Variants in C5orf47 observed in about 807,000 individuals in gnomAD.
C5orf47 encodes uncharacterized protein C5orf47.
C5orf47 carries 20 observed loss-of-function variants against 20.6 expected under a neutral mutation model. The observed-to-expected ratio is 0.97, with a 90% CI of 0.68 to 1.41. The LOEUF (loss-of-function observed/expected upper bound fraction) is 1.41. Ranked by LOEUF, C5orf47 falls within the 40% of genes most tolerant of loss-of-function variation. The pLI is 0.00. For synonymous variants in C5orf47, 106 were observed against 97.3 expected, an observed-to-expected ratio of 1.09 and a Z score of -0.53; for missense variants, 262 against 238.4, an observed-to-expected ratio of 1.10 and a Z score of -0.65.
chr5:173,989,695 T>A (rs1758949639), intron 1 of C5orf47, 107 bp downstream of exon 1: 2 of 1,040,962 alleles, frequency 1.9e-6, no homozygotes, highest in Non-Finnish European at 2.5e-6. Flanking sequence ...TGGGGGCAGC[T>A]TTCCTGTCAG....
downstream of C5orf47, among the ~76,000 whole-genome samples, chr5:174,008,263 T>C (rs1000456000): frequency 1.3e-5 from 2 of 152,190 alleles, no homozygotes; most frequent in Non-Finnish European, 2.9e-5. Context: ...ATTGTTCATC[T>C]AGGAATATTG....
At position 173,994,675 on chromosome 5, in the gene C5orf47, G is replaced by A. The variant is rs141384579; in HGVS notation, c.326-3478G>A. ...CTGGATGGATAATGGAGCCACTAAC[G>A]TTAGTGACCACGCTGCTGTGCTTGC... On this transcript the variant is annotated intron_variant, in intron 1 of 4. Coordinates refer to ENST00000340147, the MANE Select transcript of C5orf47 (RefSeq NM_001144954.2). Among the ~76,000 whole-genome samples, 826 of 152,304 alleles carry A rather than the reference G, an allele frequency of 5.4e-3. 11 individuals are homozygous for A. The highest frequency in any genetic ancestry group is 6.0e-3 in the Non-Finnish European group (405 of 68,022).
intron 3 of C5orf47, among the ~76,000 whole-genome samples, chr5:174,000,837 T>G (rs980526455): frequency 3.9e-5 from 6 of 152,112 alleles, no homozygotes; most frequent in Non-Finnish European, 7.4e-5. Flanking sequence ...AAAGGATGTT[T>G]GAATAGGCAG....
At chr5:174,000,296 A>G (rs1442262658) in intron 3 of C5orf47, among the ~76,000 whole-genome samples, 1 of 152,134 alleles carries the variant, frequency 6.6e-6, no homozygotes, top group Non-Finnish European at 1.5e-5. Flanking sequence ...AAAACAACTC[A>G]TGAATTAAAC....
chr5:173,993,109 G>A (rs1452496564), intron 1 of C5orf47, among the ~76,000 whole-genome samples: 2 of 151,952 alleles, frequency 1.3e-5, no homozygotes, highest in East Asian at 1.9e-4. Context: ...TGTTGGTCAC[G>A]TCAGCTCTTT....
downstream of C5orf47, among the ~76,000 whole-genome samples, chr5:174,007,490 A>G (rs769916134): frequency 2.0e-5 from 3 of 151,798 alleles, no homozygotes; most frequent in Non-Finnish European, 2.9e-5. Flanking sequence ...AAGGTCACAC[A>G]GTTGTATTCA....
At position 173,993,429 on chromosome 5, in the gene C5orf47, TCAG is replaced by T. The variant is rs202068010; in HGVS notation, c.325+3842_325+3844del. ...AGGCCAAGGTGGGCAGATCACGAGA[TCAG>T]GAGTTTGAGACCAGCCTGGCCAACA... On this transcript the variant is annotated intron_variant, in intron 1 of 4. Transcript: ENST00000340147. 6.8e-3 allele frequency among the ~76,000 whole-genome samples: 1,028 copies of T among 152,224 alleles called. 4 individuals are homozygous for T. The highest frequency in any genetic ancestry group is 0.01 in the Non-Finnish European group (709 of 68,022).
chr5:174,009,515 A>G (rs896467612), downstream of C5orf47, among the ~76,000 whole-genome samples: 1 of 148,380 alleles, frequency 6.7e-6, no homozygotes, highest in African/African-American at 2.4e-5. Context: ...TATCCTACAG[A>G]TTTTGATATA....
At chr5:173,998,390 A>T (rs1401256299) in intron 2 of C5orf47, among the ~76,000 whole-genome samples, 152 bp downstream of exon 2, 3 of 152,198 alleles carry the variant, frequency 2.0e-5, no homozygotes, top group Admixed American at 1.3e-4. Flanking sequence ...ATTCAGAAGA[A>T]ATGGAACTGG....
chr5:173,989,604 A>AGGGCGGGACCGGGCGCGGCG lies in C5orf47; in HGVS notation c.325+26_325+45dup, dbSNP rs775165106. On this transcript the variant is annotated intron_variant, in intron 1 of 4. Coordinates refer to ENST00000340147, the MANE Select transcript of C5orf47 (RefSeq NM_001144954.2). Reference sequence around the variant, plus strand: ...GCGCGTGCAGGTGGTGCAGCGGGGCAGGGCGGGACCGGGCGCGGCGGGGCG... The same window carrying AGGGCGGGACCGGGCGCGGCG: ...GCGCGTGCAGGTGGTGCAGCGGGGCAGGGCGGGACCGGGCGCGGCGGGGCGGGACCGGGCGCGGCGGGGCG... 3.6e-5 allele frequency: 44 copies of AGGGCGGGACCGGGCGCGGCG among 1,217,274 alleles called. No homozygotes were observed. The highest frequency in any genetic ancestry group is 6.6e-5 in the African/African-American group (4 of 60,516). The allele number at this position is 1,217,274 out of a possible 1,614,324, so 75.4% of individuals were successfully genotyped here.
intron 1 of C5orf47, among the ~76,000 whole-genome samples, chr5:173,996,869 A>G (rs1399277253): frequency 6.6e-6 from 1 of 152,190 alleles, no homozygotes; most frequent in Non-Finnish European, 1.5e-5. Flanking sequence ...ACTGGTACCA[A>G]ACTTAGATTT....
intron 1 of C5orf47, among the ~76,000 whole-genome samples, chr5:173,994,186 A>G (rs1280830306): frequency 1.3e-5 from 2 of 152,160 alleles, no homozygotes; most frequent in Non-Finnish European, 2.9e-5. Context: ...CGTCGTGGAG[A>G]ATGCAGACCT....
chr5:174,007,461 TTTTCCA>T (rs1333455950), downstream of C5orf47, among the ~76,000 whole-genome samples: 1 of 152,218 alleles, frequency 6.6e-6, no homozygotes, highest in Admixed American at 6.5e-5. Flanking sequence ...AGATGCATTC[TTTTCCA>T]TTTGAATCAG....
Position 173,989,185 on chromosome 5 carries a change from C to T in C5orf47, c.-79C>T. ...GTCTGGCCCTAACCGCTCCCGCATC[C>T]CTCGCCTGCACAGTGGGCAGTCTGG... On this transcript the variant is annotated 5_prime_UTR_variant, in exon 1 of 5. Coordinates refer to ENST00000340147, the MANE Select transcript of C5orf47 (RefSeq NM_001144954.2). The T allele has an allele frequency of 7.8e-7, 1 of 1,277,528 alleles. No individual in the cohort carries two copies. 79.1% of individuals were successfully genotyped at this position (1,277,528 alleles called of 1,614,324 possible).
intron 1 of C5orf47, among the ~76,000 whole-genome samples, chr5:173,990,286 TA>T (rs1164756605): frequency 6.9e-6 from 1 of 145,158 alleles, no homozygotes; most frequent in African/African-American, 2.6e-5. Context: ...CTACTTTTTT[TA>T]TCTTTTGTAG....
chr5:173,996,988 A>C (rs906927407), intron 1 of C5orf47, among the ~76,000 whole-genome samples: 1 of 152,206 alleles, frequency 6.6e-6, no homozygotes, highest in Admixed American at 6.5e-5. Context: ...GACCTGCTCC[A>C]AATCAGTGGC....
At position 174,004,564 on chromosome 5, in the gene C5orf47, G is replaced by A. The variant is rs1477530467; in HGVS notation, c.*310G>A. On this transcript the variant is annotated 3_prime_UTR_variant, in exon 5 of 5. Coordinates refer to ENST00000340147, the MANE Select transcript of C5orf47 (RefSeq NM_001144954.2). ...CATAAAATTAAATTAGCATATCAAT[G>A]CAATTGCATGAATTTTATAATTACC... 1.3e-5 allele frequency: 2 copies of A among 152,158 alleles called. No individual in the cohort carries two copies. The highest frequency in any genetic ancestry group is 3.8e-4 in the East Asian group (2 of 5,316). The allele number at this position is 152,158 out of a possible 1,614,324, so 9.4% of individuals were successfully genotyped here. A position where few individuals can be genotyped will look rare whatever the true frequency, so the allele number is the denominator to read the frequency against.
intron 1 of C5orf47, among the ~76,000 whole-genome samples, chr5:173,990,074 G>T (rs577015153): frequency 8.6e-5 from 13 of 151,690 alleles, no homozygotes; most frequent in Non-Finnish European, 1.8e-4. Context: ...TTGTAAATGG[G>T]GTTTCTTTTT....
At chr5:173,997,125 ACTC>A (rs1370767976) in intron 1 of C5orf47, among the ~76,000 whole-genome samples, 1 of 152,128 alleles carries the variant, frequency 6.6e-6, no homozygotes, top group Non-Finnish European at 1.5e-5. Flanking sequence ...AATAAAACAC[ACTC>A]CTCAAGTAAA....
Sources: allele counts gnomAD v4.1 joint callset (sites outside exome capture counted in the v4.1 genomes callset), GRCh38; gene constraint gnomAD v4.1.1; transcripts MANE v1.5; gene names NCBI Gene and HGNC (gene_info 2026-07-23, HGNC 2026-07-21).